Variants in TRMT9B observed in about 807,000 individuals in gnomAD.
TRMT9B encodes the protein tRNA methyltransferase 9B (putative), also known as probable tRNA methyltransferase 9B.
A neutral mutation model predicts 11.5 loss-of-function variants in TRMT9B; 16 were observed. The observed-to-expected ratio is 1.39, with a 90% CI of 0.94 to 2.11. TRMT9B has a LOEUF of 2.11. Among genes scored for constraint, TRMT9B ranks in the 30% most tolerant of loss-of-function variants. The probability of loss-of-function intolerance (pLI) is 0.00; values close to 1 mark genes in which losing one functional copy is unlikely to be tolerated. For missense variants in TRMT9B, 941 were observed against 553.8 expected (o/e 1.70, Z -7.02); for synonymous variants, 274 against 192.4 (o/e 1.42, Z -3.51).
chr8:13,017,191 CTAAACCTGCAGAT>C (rs1276041514), intron 4 of TRMT9B, among the ~76,000 whole-genome samples: 7 of 152,060 alleles, frequency 4.6e-5, no homozygotes, highest in African/African-American at 1.7e-4. Flanking sequence ...CTGCTTTATG[CTAAACCTGCAGAT>C]TCTGAATGCT....
intron 4 of TRMT9B, among the ~76,000 whole-genome samples, chr8:13,018,782 C>T (rs1246462898): frequency 1.3e-5 from 2 of 152,158 alleles, no homozygotes; most frequent in South Asian, 2.1e-4. Context: ...CATGCCTGAA[C>T]GAAGTTATCT....
Position 13,022,387 on chromosome 8 carries a change from A to G in TRMT9B, c.*343A>G, listed in dbSNP as rs1222067886. ...TATTACACATTGATTTAAAAAGATT[A>G]TGCTGTTAAATAATCTTTTAAAACG... On this transcript the variant is annotated 3_prime_UTR_variant, in exon 5 of 5. Transcript: ENST00000524591. The G allele has an allele frequency of 5.1e-6, 1 of 194,844 alleles. No homozygotes were observed. The highest frequency in any genetic ancestry group is 1.1e-5 in the Non-Finnish European group (1 of 87,520). 12.1% of individuals were successfully genotyped at this position (194,844 alleles called of 1,614,324 possible).
rs1030589861 is a variant in TRMT9B, at chr8:13,024,226, G to C, written c.*2182G>C. 6.5e-6 allele frequency: 1 copy of C among 153,792 alleles called. No homozygotes were observed. Among genetic ancestry groups the C allele is most frequent in the Non-Finnish European group, 1.5e-5 (1 of 68,078 alleles). 9.5% of individuals were successfully genotyped at this position (153,792 alleles called of 1,614,324 possible). The stretch of plus-strand genomic sequence containing the variant: ...GCCCGGCTGTTTTTTTGTATTTTTA[G>C]GAGAGACGGGGTTTCACCGTGTTAG... On this transcript the variant is annotated 3_prime_UTR_variant, in exon 5 of 5. Transcript: ENST00000524591.
At chr8:12,963,771 A>C (rs1802454138) in intron 1 of TRMT9B, among the ~76,000 whole-genome samples, 1 of 152,200 alleles carries the variant, frequency 6.6e-6, no homozygotes, top group Admixed American at 6.5e-5. Flanking sequence ...AATGTATACA[A>C]GTTTTTTAAA....
At chr8:12,983,217 T>A (rs1805704699) in intron 1 of TRMT9B, among the ~76,000 whole-genome samples, 1 of 152,168 alleles carries the variant, frequency 6.6e-6, no homozygotes, top group African/African-American at 2.4e-5. Flanking sequence ...TGCCTGTCGA[T>A]GGCATGGTGA....
intron 1 of TRMT9B, among the ~76,000 whole-genome samples, chr8:12,978,991 G>A (rs1160263348): frequency 6.6e-6 from 1 of 152,098 alleles, no homozygotes; most frequent in Non-Finnish European, 1.5e-5. Flanking sequence ...AAACCTTCTG[G>A]GTTTGACTTT....
chr8:12,987,005 A>G (rs371336228), intron 1 of TRMT9B, among the ~76,000 whole-genome samples: 46 of 152,308 alleles, frequency 3.0e-4, no homozygotes, highest in African/African-American at 1.1e-3. Flanking sequence ...GTGGTTCCCC[A>G]TGATGTTCAG....
At chr8:13,013,855 A>T (rs1029852402) in intron 4 of TRMT9B, among the ~76,000 whole-genome samples, 12 of 152,214 alleles carry the variant, frequency 7.9e-5, no homozygotes, top group South Asian at 2.1e-4. Context: ...AGGCTGAGGC[A>T]GGAGAATCGC....
At chr8:13,004,528 C>T (rs1810055711) in intron 2 of TRMT9B, among the ~76,000 whole-genome samples, 1 of 151,818 alleles carries the variant, frequency 6.6e-6, no homozygotes, top group Non-Finnish European at 1.5e-5. Context: ...CTGTTCAGGC[C>T]CTACCCCCCA....
intron 1 of TRMT9B, among the ~76,000 whole-genome samples, chr8:12,967,714 T>C (rs967913048): frequency 6.6e-6 from 1 of 152,216 alleles, no homozygotes; most frequent in South Asian, 2.1e-4. Context: ...ACTTAAAATG[T>C]CAGGAGAGTA....
intron 2 of TRMT9B, among the ~76,000 whole-genome samples, chr8:13,003,641 T>A (rs1301613782): frequency 6.6e-6 from 1 of 151,536 alleles, no homozygotes; most frequent in African/African-American, 2.4e-5. Context: ...AAGAGCCTTA[T>A]GTGCCCGCCT....
intron 1 of TRMT9B, among the ~76,000 whole-genome samples, chr8:12,956,644 TA>T (rs1284176415): frequency 1.3e-5 from 2 of 152,188 alleles, no homozygotes; most frequent in African/African-American, 4.8e-5. Context: ...GAGAGAGAAA[TA>T]ATAGCACCTG....
intron 1 of TRMT9B, among the ~76,000 whole-genome samples, chr8:12,964,347 CTG>C (rs1802537229): frequency 6.6e-6 from 1 of 152,170 alleles, no homozygotes; most frequent in Admixed American, 6.5e-5. Flanking sequence ...CTCCTAGCTT[CTG>C]TGAAATGTGT....
intron 3 of TRMT9B, chr8:13,011,600 T>A (rs1176983126): frequency 1.1e-6 from 1 of 951,448 alleles, no homozygotes; most frequent in East Asian, 1.2e-4. Context: ...TAGAAGGCTT[T>A]GTTTCAAGGT....
chr8:13,019,448 C>T (rs1813400353), intron 4 of TRMT9B, among the ~76,000 whole-genome samples: 1 of 152,144 alleles, frequency 6.6e-6, no homozygotes, highest in Admixed American at 6.5e-5. Context: ...CACACCAATG[C>T]ACCCAGTTAA....
At chr8:12,949,044 CT>C (rs1232637336) in intron 1 of TRMT9B, among the ~76,000 whole-genome samples, 1 of 152,204 alleles carries the variant, frequency 6.6e-6, no homozygotes, top group Non-Finnish European at 1.5e-5. Flanking sequence ...GGCCAACACA[CT>C]TTATAATTCT....
rs768642659 is a variant in TRMT9B, at chr8:13,021,212, A to T, written c.533A>T (p.Lys178Met). The change falls in exon 5 of 5, where the codon AAG becomes ATG. Residue 178 changes from lysine to methionine, a missense_variant. By Grantham distance (95) the Lys-to-Met change is moderately conservative. Transcript: ENST00000524591. ...LFSESSQSGRKRQCGYPERGH... is the reference protein window; with the variant it reads ...LFSESSQSGRMRQCGYPERGH... Reference sequence around the variant, plus strand: ...TCAGAGTCCAGCCAGTCTGGGAGGAAGAGGCAGTGTGGATACCCAGAAAGA... The same window carrying T: ...TCAGAGTCCAGCCAGTCTGGGAGGATGAGGCAGTGTGGATACCCAGAAAGA... 16 of 1,613,872 alleles carry T rather than the reference A, an allele frequency of 9.9e-6. No homozygotes were observed. The East Asian group carries it at 2.9e-4, about 29-fold the overall frequency.
At chr8:12,953,916 G>C (rs1457288731) in intron 1 of TRMT9B, among the ~76,000 whole-genome samples, 1 of 152,208 alleles carries the variant, frequency 6.6e-6, no homozygotes, top group East Asian at 1.9e-4. Flanking sequence ...GATTTGAAAA[G>C]AGAGCTCTGT....
At position 13,028,686 on chromosome 8, in the gene TRMT9B, G is replaced by A. The variant is rs151188175; in HGVS notation, c.*6642G>A. 5.6e-3 allele frequency: 830 copies of A among 149,038 alleles called. 4 individuals carry two copies. The highest frequency in any genetic ancestry group is 8.7e-3 in the African/African-American group (347 of 40,020). 9.2% of individuals were successfully genotyped at this position (149,038 alleles called of 1,614,324 possible). A position where few individuals can be genotyped will look rare whatever the true frequency, so the allele number is the denominator to read the frequency against. On this transcript the variant is annotated 3_prime_UTR_variant, in exon 5 of 5. Coordinates refer to ENST00000524591, the MANE Select transcript of TRMT9B (RefSeq NM_020844.3). Reference sequence around the variant, plus strand: ...TGCCTCCCAGGTTTAAGCAATTCTCGTGCCTCAGCCTCCTGAATAGCTGGG... The same window carrying A: ...TGCCTCCCAGGTTTAAGCAATTCTCATGCCTCAGCCTCCTGAATAGCTGGG...
Sources: gnomAD v4.1 joint callset for allele counts (sites outside exome capture counted in the v4.1 genomes callset) on GRCh38, gnomAD v4.1.1 for gene constraint, MANE v1.5 for transcripts, NCBI Gene and HGNC (gene_info 2026-07-23, HGNC 2026-07-21) for gene names.